Variants in ATP8A2 observed in about 807,000 individuals in gnomAD.
ATP8A2 encodes phospholipid-transporting ATPase IB.
ATP8A2 carries 100 observed loss-of-function variants against 165.6 expected under a neutral mutation model. The ratio of observed to expected loss-of-function variants is 0.60; its 90% CI spans 0.51 to 0.71. The LOEUF (loss-of-function observed/expected upper bound fraction) is 0.71, where lower values mean the gene tolerates loss of function less well. Ranked by LOEUF, ATP8A2 falls within the 30% of genes least tolerant of loss-of-function variation. The pLI is 0.00. For missense variants in ATP8A2, 1,227 were observed against 1,479.5 expected, an observed-to-expected ratio of 0.83 and a Z score of 2.80; for synonymous variants, 543 against 548.8, an observed-to-expected ratio of 0.99 and a Z score of 0.15.
chr13:25,511,963 G>T (rs550580834), intron 2 of ATP8A2, among the ~76,000 whole-genome samples: 1 of 151,618 alleles, frequency 6.6e-6, no homozygotes, highest in African/African-American at 2.4e-5. Context: ...TAGGACAATA[G>T]TGGAGGGAAG....
At chr13:25,711,118 C>G (rs1276444602) in intron 25 of ATP8A2, among the ~76,000 whole-genome samples, 1 of 152,118 alleles carries the variant, frequency 6.6e-6, no homozygotes, top group East Asian at 1.9e-4. Context: ...ATTCTCCTGC[C>G]TCAGCCTCCG....
At chr13:25,646,697 C>CT (rs1340697935) in intron 24 of ATP8A2, among the ~76,000 whole-genome samples, 1 of 148,914 alleles carries the variant, frequency 6.7e-6, no homozygotes, top group Non-Finnish European at 1.5e-5. Context: ...TTTAGTCACT[C>CT]TGTCTTTTTA....
intron 24 of ATP8A2, among the ~76,000 whole-genome samples, chr13:25,611,172 C>T (rs534962943): frequency 2.6e-5 from 4 of 152,146 alleles, no homozygotes; most frequent in Non-Finnish European, 4.4e-5. Flanking sequence ...GCTAGGACTT[C>T]CAGTACTATG....
At chr13:25,508,192 A>G (rs920660265) in intron 2 of ATP8A2, among the ~76,000 whole-genome samples, 7 of 152,212 alleles carry the variant, frequency 4.6e-5, no homozygotes, top group African/African-American at 1.7e-4. Flanking sequence ...GTTGTCTACT[A>G]TATATTAAAA....
intron 4 of ATP8A2, 148 bp downstream of exon 4, chr13:25,530,808 A>G (rs549898193): frequency 1.2e-5 from 7 of 608,470 alleles, no homozygotes; most frequent in Admixed American, 1.1e-4. Flanking sequence ...GGGGGAGTTA[A>G]TGTATACTCA....
intron 24 of ATP8A2, among the ~76,000 whole-genome samples, chr13:25,660,505 A>C (rs1188647532): frequency 6.6e-6 from 1 of 152,240 alleles, no homozygotes; most frequent in Non-Finnish European, 1.5e-5. Context: ...CAAATAAGAC[A>C]GAAGAACTTT....
intron 33 of ATP8A2, among the ~76,000 whole-genome samples, chr13:25,901,656 A>G (rs1031172024): frequency 4.6e-5 from 7 of 152,236 alleles, no homozygotes; most frequent in Non-Finnish European, 8.8e-5. Context: ...AGTTTCTGAG[A>G]CATGCTTAAA....
In ATP8A2 at chr13:25,459,047, G is replaced by A. The variant is rs372727626; in HGVS notation, c.77-9930G>A. Among the ~76,000 whole-genome samples the A allele has an allele frequency of 4.6e-5, 7 of 152,318 alleles. No homozygotes were observed. In the South Asian group the frequency reaches 1.4e-3, roughly 32 times the overall value. On this transcript the variant is annotated intron_variant, in intron 1 of 36. Transcript: ENST00000381655. ...AAATGCCAGCAAGGGGACCAGGGAT[G>A]TCATTCTGCAGACCAGAGGAGGCAG...
intron 27 of ATP8A2, among the ~76,000 whole-genome samples, chr13:25,775,626 GAA>G (rs2044724737): frequency 6.6e-6 from 1 of 152,152 alleles, no homozygotes; most frequent in African/African-American, 2.4e-5. Flanking sequence ...GGAAGAAATG[GAA>G]AAGTCACTTC....
chr13:25,862,201 G>A lies in ATP8A2; in HGVS notation c.3076-100G>A, dbSNP rs1952376193. ...TGAGTCATCAAAGTCTTTCCATAAG[G>A]AAAGGTAGCTTGGATGCAAGGATTC... On this transcript the variant is annotated intron_variant, in intron 32 of 36. Coordinates refer to ENST00000381655, the MANE Select transcript of ATP8A2 (RefSeq NM_016529.6). 6.5e-6 allele frequency: 5 copies of A among 768,212 alleles called. 1 individual carries two copies. The South Asian group carries it at 7.8e-5, about 12-fold the overall frequency. The allele number at this position is 768,212 out of a possible 1,614,324, so 47.6% of individuals were successfully genotyped here. A position where few individuals can be genotyped will look rare whatever the true frequency, so the allele number is the denominator to read the frequency against.
At chr13:25,897,997 G>A (rs1024863285) in intron 33 of ATP8A2, among the ~76,000 whole-genome samples, 6 of 152,024 alleles carry the variant, frequency 3.9e-5, no homozygotes, top group East Asian at 1.9e-4. Flanking sequence ...CCTTTAGCTC[G>A]GAGAAGTTTG....
At chr13:25,924,766 C>T (rs117086171) in intron 33 of ATP8A2, among the ~76,000 whole-genome samples, 5 of 152,204 alleles carry the variant, frequency 3.3e-5, no homozygotes, top group South Asian at 2.1e-4. Context: ...CATGGGAGGA[C>T]CCGGTGGGAG....
intron 25 of ATP8A2, among the ~76,000 whole-genome samples, chr13:25,706,296 CTGGCAG>C (rs1335731854): frequency 6.6e-6 from 1 of 152,184 alleles, no homozygotes; most frequent in Non-Finnish European, 1.5e-5. Flanking sequence ...TTTTAACACA[CTGGCAG>C]TGTATCATTC....
At chr13:25,574,047 G>A (rs1274126153) in intron 18 of ATP8A2, among the ~76,000 whole-genome samples, 1 of 152,154 alleles carries the variant, frequency 6.6e-6, no homozygotes, top group African/African-American at 2.4e-5. Flanking sequence ...CACATGTATT[G>A]GGTGCCAAAG....
chr13:25,871,010 C>T (rs1201597644), intron 33 of ATP8A2, among the ~76,000 whole-genome samples: 4 of 152,148 alleles, frequency 2.6e-5, no homozygotes, highest in Non-Finnish European at 5.9e-5. Context: ...TCCCTTCCCC[C>T]GTATACAATT....
chr13:25,601,573 T>C (rs958258909), intron 24 of ATP8A2, among the ~76,000 whole-genome samples: 1 of 152,224 alleles, frequency 6.6e-6, no homozygotes, highest in Non-Finnish European at 1.5e-5. Context: ...CACGTGATTC[T>C]CCTGCCTCAG....
intron 33 of ATP8A2, among the ~76,000 whole-genome samples, chr13:25,870,813 T>TTACCC (rs1314683950): frequency 8.5e-5 from 13 of 152,128 alleles, no homozygotes; most frequent in Non-Finnish European, 1.6e-4. Flanking sequence ...CTGAAGTGAC[T>TTACCC]TACCCCGCAA....
chr13:25,885,105 C>CTTTTTT (rs869044168), intron 33 of ATP8A2, among the ~76,000 whole-genome samples: 61 of 88,588 alleles, frequency 6.9e-4, no homozygotes, highest in East Asian at 3.1e-3. Flanking sequence ...TCTCCGCTTG[C>CTTTTTT]TTTTTTTTTT....
chr13:25,381,755 G>A (rs573760656), intron 1 of ATP8A2, among the ~76,000 whole-genome samples: 14 of 151,558 alleles, frequency 9.2e-5, no homozygotes, highest in African/African-American at 2.2e-4. Context: ...CCTTCTACGC[G>A]TGGGTATAGA....
Sources: gnomAD v4.1 joint callset for allele counts (sites outside exome capture counted in the v4.1 genomes callset) on GRCh38, gnomAD v4.1.1 for gene constraint, MANE v1.5 for transcripts, NCBI Gene and HGNC (gene_info 2026-07-23, HGNC 2026-07-21) for gene names.